The following PAX2 variants were observed in gnomAD, a reference collection of about 807,000 sequenced individuals.
PAX2 encodes paired box protein Pax-2.
In PAX2, 9 loss-of-function variants were observed where a neutral mutation model predicts 41.7. That is an observed-to-expected ratio of 0.22 (90% CI 0.13 to 0.38). The LOEUF is 0.38. Among genes scored for constraint, PAX2 ranks in the 10% least tolerant of loss-of-function variants. The pLI, the probability that PAX2 is intolerant of heterozygous loss-of-function variation, is 1.00. For missense variants in PAX2, 418 were observed against 531.6 expected (o/e 0.79, Z 2.10); for synonymous variants, 221 against 212.7 (o/e 1.04, Z -0.34).
Position 100,829,106 on chromosome 10 carries a change from ACG to A in PAX2, c.*1488_*1489del, listed in dbSNP as rs1056481176. 5 of 230,976 alleles carry A rather than the reference ACG, an allele frequency of 2.2e-5. No individual in the cohort carries two copies. The highest frequency in any genetic ancestry group is 3.4e-5 in the Non-Finnish European group (4 of 116,514). The allele number at this position is 230,976 out of a possible 1,614,324, so 14.3% of individuals were successfully genotyped here. A position where few individuals can be genotyped will look rare whatever the true frequency, so the allele number is the denominator to read the frequency against. On this transcript the variant is annotated 3_prime_UTR_variant, in exon 10 of 10. Coordinates refer to ENST00000355243, the MANE Select transcript of PAX2 (RefSeq NM_000278.5). ...ATTTTTTATGTTACAAAAAAAAATT[ACG>A]AAAGAAAAGAAATCTCTATGCAAAA...
chr10:100,744,697 T>G (rs537649874), upstream of PAX2, among the ~76,000 whole-genome samples: 2 of 152,186 alleles, frequency 1.3e-5, no homozygotes, highest in Admixed American at 1.3e-4. Flanking sequence ...ACTGTTTCCC[T>G]CCCCTGTACC....
At chr10:100,736,952 A>G (rs1485081004) in intron 1 of PAX2, among the ~76,000 whole-genome samples, 2 of 152,234 alleles carry the variant, frequency 1.3e-5, no homozygotes, top group African/African-American at 4.8e-5. Context: ...CCGTATAAAT[A>G]TTCAGCCCAA....
chr10:100,763,396 T>G (rs1016434383), intron 3 of PAX2, among the ~76,000 whole-genome samples: 1 of 152,236 alleles, frequency 6.6e-6, no homozygotes, highest in Non-Finnish European at 1.5e-5. Context: ...ACACCTATTT[T>G]CAGAGAAAAA....
At chr10:100,798,886 GTGGGGC>G (rs1847435054) in intron 5 of PAX2, among the ~76,000 whole-genome samples, 1 of 152,236 alleles carries the variant, frequency 6.6e-6, no homozygotes, top group Non-Finnish European at 1.5e-5. Context: ...CGCCGTGGGG[GTGGGGC>G]TGGGCCTGCA....
In PAX2 at chr10:100,739,591, T is replaced by C. The variant is rs571851955; in HGVS notation, c.25+3858T>C. Among the ~76,000 whole-genome samples the C allele has an allele frequency of 2.0e-5, 3 of 152,298 alleles. 1 individual carries two copies. In the South Asian group the frequency reaches 6.2e-4, roughly 32 times the overall value. ...CCCGCGGGGACCCTTCCTTTCCCTG[T>C]ATTTCGGCTGTGGCTGTTTCGCTCC... On this transcript the variant is annotated intron_variant, in intron 1 of 9. Transcript: ENST00000679374.
chr10:100,820,683 C>T (rs1848351270), intron 7 of PAX2, among the ~76,000 whole-genome samples: 1 of 152,224 alleles, frequency 6.6e-6, no homozygotes, highest in South Asian at 2.1e-4. Flanking sequence ...CACTGCATTC[C>T]AGCCTGGGCG....
chr10:100,829,179 C>G lies in PAX2; in HGVS notation c.*1560C>G, dbSNP rs1210982786. The G allele has an allele frequency of 6.4e-5, 15 of 232,568 alleles. No homozygotes were observed. The highest frequency in any genetic ancestry group is 2.6e-4 in the African/African-American group (12 of 45,330). 14.4% of individuals were successfully genotyped at this position (232,568 alleles called of 1,614,324 possible). A position where few individuals can be genotyped will look rare whatever the true frequency, so the allele number is the denominator to read the frequency against. The stretch of plus-strand genomic sequence containing the variant: ...ACTCCTCTGGCCTGTTTTGTTGGCT[C>G]TTTCTCTGTAATTCCGTGTTTTCGC... On this transcript the variant is annotated 3_prime_UTR_variant, in exon 10 of 10. Coordinates refer to ENST00000355243, the MANE Select transcript of PAX2 (RefSeq NM_000278.5).
At chr10:100,780,190 C>T (rs1846559629) in intron 4 of PAX2, among the ~76,000 whole-genome samples, 1 of 152,220 alleles carries the variant, frequency 6.6e-6, no homozygotes, top group African/African-American at 2.4e-5. Context: ...CTCTGTCTCA[C>T]CCACTCTGTA....
intron 5 of PAX2, among the ~76,000 whole-genome samples, chr10:100,786,210 T>C (rs765970680): frequency 1.3e-5 from 2 of 152,226 alleles, no homozygotes; most frequent in Non-Finnish European, 1.5e-5. Context: ...ACCAGCGCAG[T>C]GGAGGAAAGC....
Position 100,773,789 on chromosome 10 carries a change from A to G in PAX2, c.411-5709A>G, listed in dbSNP as rs60901881. Among the ~76,000 whole-genome samples, 158 of 152,278 alleles carry G rather than the reference A, an allele frequency of 1.0e-3. 2 individuals are homozygous for G. In the East Asian group the frequency reaches 0.026, roughly 25 times the overall value. On this transcript the variant is annotated intron_variant, in intron 3 of 9. Coordinates refer to ENST00000355243, the MANE Select transcript of PAX2 (RefSeq NM_000278.5). ...CCAGCAGACACTTAACCTTTTTTAC[A>G]GTGTCATCAGGCTAAAAGGAATCTA...
At chr10:100,752,379 G>A (rs1845474780) in intron 3 of PAX2, among the ~76,000 whole-genome samples, 1 of 152,230 alleles carries the variant, frequency 6.6e-6, no homozygotes, top group Non-Finnish European at 1.5e-5. Context: ...TAAGCCCTTT[G>A]CTTTAAAAGC....
At chr10:100,741,268 G>A (rs1303579941), upstream of PAX2, among the ~76,000 whole-genome samples, 1 of 152,014 alleles carries the variant, frequency 6.6e-6, no homozygotes, top group African/African-American at 2.4e-5. Context: ...AGAAGAGTGA[G>A]AGCAGGAGGG....
chr10:100,793,205 A>AG (rs1847195240), intron 5 of PAX2, among the ~76,000 whole-genome samples: 1 of 152,206 alleles, frequency 6.6e-6, no homozygotes, highest in South Asian at 2.1e-4. Flanking sequence ...GGAAAGGGCT[A>AG]GGGTCCCAGG....
At chr10:100,742,835 C>CTTCTTT (rs1845011267), upstream of PAX2, among the ~76,000 whole-genome samples, 1 of 59,112 alleles carries the variant, frequency 1.7e-5, no homozygotes, top group South Asian at 7.0e-4. Flanking sequence ...CTTTCCTCTT[C>CTTCTTT]TTTCTTCCTT....
rs1848672082 is a variant in PAX2 at position 100,828,675 on chromosome 10, T to C, written c.*1056T>C. ...ATCTGCCGGTGGTAAGAACCGGTTCTGAGCTGGCGTCTGAGCTGCTGCGGG... is the reference window on the plus strand; with the variant it reads ...ATCTGCCGGTGGTAAGAACCGGTTCCGAGCTGGCGTCTGAGCTGCTGCGGG... On this transcript the variant is annotated 3_prime_UTR_variant, in exon 10 of 10. Transcript: ENST00000355243. This position sits in a 1 kb window ranked among gnomAD's most constrained non-coding sequence, Gnocchi z 6.5. The C allele has an allele frequency of 8.6e-6, 2 of 233,372 alleles. No homozygotes were observed. The highest frequency in any genetic ancestry group is 2.2e-5 in the African/African-American group (1 of 45,296). The allele number at this position is 233,372 out of a possible 1,614,324, so 14.5% of individuals were successfully genotyped here.
chr10:100,803,263 G>C (rs562893262), intron 5 of PAX2, among the ~76,000 whole-genome samples: 10 of 152,166 alleles, frequency 6.6e-5, no homozygotes, highest in Non-Finnish European at 1.2e-4. Flanking sequence ...GGTGCGGAAG[G>C]CTTCTTCCCT....
chr10:100,746,850 T>C (rs1845197270), intron 1 of PAX2, among the ~76,000 whole-genome samples: 1 of 151,938 alleles, frequency 6.6e-6, no homozygotes, highest in South Asian at 2.1e-4. Flanking sequence ...GGCAGAAGAG[T>C]GTGGGGGTGG....
intron 5 of PAX2, among the ~76,000 whole-genome samples, chr10:100,804,367 G>A (rs1034159481): frequency 3.3e-5 from 5 of 151,828 alleles, no homozygotes; most frequent in African/African-American, 1.2e-4. Flanking sequence ...GGAGAGTCCT[G>A]CCACACATGC....
chr10:100,799,565 C>G (rs1847466173), intron 5 of PAX2, among the ~76,000 whole-genome samples: 1 of 152,162 alleles, frequency 6.6e-6, no homozygotes, highest in Non-Finnish European at 1.5e-5. Context: ...TCCGACATCC[C>G]TGAGTTCACA....
Sources: allele counts gnomAD v4.1 joint callset (sites outside exome capture counted in the v4.1 genomes callset), GRCh38; gene constraint gnomAD v4.1.1; non-coding constraint Gnocchi (gnomAD v3.1); transcripts MANE v1.5; gene names NCBI Gene and HGNC (gene_info 2026-07-23, HGNC 2026-07-21).